Variants in MACROD2 observed in about 807,000 individuals in gnomAD.
The protein encoded by MACROD2 is ADP-ribose glycohydrolase MACROD2.
MACROD2 carries 36 observed loss-of-function variants against 70.4 expected under a neutral mutation model. The observed-to-expected ratio is 0.51, with a 90% CI of 0.39 to 0.68. The LOEUF (loss-of-function observed/expected upper bound fraction) is 0.68. Ranked by LOEUF, MACROD2 falls within the 30% of genes least tolerant of loss-of-function variation. MACROD2 has a pLI of 0.00. For synonymous variants in MACROD2, 172 were observed against 178.8 expected (o/e 0.96, Z 0.30); for missense variants, 496 against 538.4 (o/e 0.92, Z 0.78).
chr20:14,317,774 C>A (rs1413129293), intron 3 of MACROD2, among the ~76,000 whole-genome samples: 1 of 152,078 alleles, frequency 6.6e-6, no homozygotes, highest in Admixed American at 6.5e-5. Context: ...ATCTCTATGA[C>A]CTTTCGAAGT....
intron 6 of MACROD2, among the ~76,000 whole-genome samples, chr20:15,266,918 G>A (rs1022072495): frequency 2.6e-5 from 4 of 152,220 alleles, no homozygotes; most frequent in African/African-American, 9.6e-5. Context: ...GTATTCTAGA[G>A]GGCAGGGGCG....
chr20:15,520,800 A>G (rs1479515494), intron 8 of MACROD2, among the ~76,000 whole-genome samples: 3 of 152,220 alleles, frequency 2.0e-5, no homozygotes, highest in Non-Finnish European at 4.4e-5. Flanking sequence ...AAGTTCCTTC[A>G]CTTGTTTCTC....
intron 8 of MACROD2, among the ~76,000 whole-genome samples, chr20:15,528,961 A>T (rs999882026): frequency 6.6e-5 from 10 of 152,172 alleles, no homozygotes; most frequent in African/African-American, 2.4e-4. Context: ...AATGTATTAG[A>T]TAGAATTACT....
At chr20:14,077,505 T>G (rs2053929437) in intron 2 of MACROD2, among the ~76,000 whole-genome samples, 1 of 152,196 alleles carries the variant, frequency 6.6e-6, no homozygotes, top group Admixed American at 6.5e-5. Context: ...TACATGTAAG[T>G]TAAACTACTA....
intron 5 of MACROD2, among the ~76,000 whole-genome samples, chr20:15,218,978 G>A (rs1381254624): frequency 6.6e-6 from 1 of 151,988 alleles, no homozygotes; most frequent in Non-Finnish European, 1.5e-5. Flanking sequence ...CCCGGGAGGC[G>A]GAGCTTGCAG....
At chr20:15,775,531 A>C (rs35052348) in intron 8 of MACROD2, among the ~76,000 whole-genome samples, 1 of 151,972 alleles carries the variant, frequency 6.6e-6, no homozygotes, top group Non-Finnish European at 1.5e-5. Flanking sequence ...ATTATGGCCA[A>C]TAAAGCAGTT....
chr20:15,099,200 G>A (rs963377464), intron 5 of MACROD2, among the ~76,000 whole-genome samples: 9 of 152,240 alleles, frequency 5.9e-5, no homozygotes, highest in African/African-American at 2.2e-4. Context: ...GGTATATACT[G>A]CTATGGAATG....
At chr20:14,436,588 G>C (rs1057330553) in intron 3 of MACROD2, among the ~76,000 whole-genome samples, 1 of 152,180 alleles carries the variant, frequency 6.6e-6, no homozygotes, top group African/African-American at 2.4e-5. Flanking sequence ...TAATAGGAGA[G>C]GCCGTATCAT....
At chr20:13,996,081 C>A (rs1056692966) in intron 1 of MACROD2, among the ~76,000 whole-genome samples, 2 of 152,200 alleles carry the variant, frequency 1.3e-5, no homozygotes, top group Non-Finnish European at 2.9e-5. Flanking sequence ...TCTCCCGAGG[C>A]GGTGCTGCGT....
chr20:14,820,428 C>T lies in MACROD2; in HGVS notation c.418+135469C>T, dbSNP rs1033917238. 5.9e-5 allele frequency among the ~76,000 whole-genome samples: 8 copies of T among 136,088 alleles called. 1 individual carries two copies. The highest frequency in any genetic ancestry group is 2.4e-4 in the Admixed American group (3 of 12,336). 89.3% of individuals were successfully genotyped at this position (136,088 alleles called of 152,430 possible). On this transcript the variant is annotated intron_variant, in intron 5 of 17. Coordinates refer to ENST00000684519, the MANE Select transcript of MACROD2 (RefSeq NM_001351661.2). Reference sequence around the variant, plus strand: ...AAAAAGGAATTTTCTTATAAAAATACAGCTACTGTGATATCTTCTGCTGAA... The same window carrying T: ...AAAAAGGAATTTTCTTATAAAAATATAGCTACTGTGATATCTTCTGCTGAA...
intron 3 of MACROD2, among the ~76,000 whole-genome samples, chr20:14,184,403 A>G (rs2148733442): frequency 6.6e-6 from 1 of 152,142 alleles, no homozygotes; most frequent in South Asian, 2.1e-4. Context: ...TTTTTGTGCC[A>G]GTACCATGCT....
Position 15,004,709 on chromosome 20 carries a change from C to G in MACROD2, c.419-225231C>G, listed in dbSNP as rs76168754. 5.4e-3 allele frequency among the ~76,000 whole-genome samples: 821 copies of G among 152,078 alleles called. 8 individuals carry two copies. Among genetic ancestry groups the G allele is most frequent in the African/African-American group, 0.019 (799 of 41,490 alleles). On this transcript the variant is annotated intron_variant, in intron 5 of 17. Transcript: ENST00000684519. ...GAATAAGCTGTTTTTAATTCTAGAA[C>G]TCTTTGGTTGTGATAAAAATGGAAA...
intron 13 of MACROD2, among the ~76,000 whole-genome samples, chr20:15,974,113 C>A (rs1158108712): frequency 2.6e-5 from 4 of 152,106 alleles, no homozygotes; most frequent in African/African-American, 9.7e-5. Context: ...AGTTCAGAAA[C>A]AGACCCAAGT....
chr20:15,416,576 G>C (rs896154756), intron 6 of MACROD2, among the ~76,000 whole-genome samples: 1 of 152,134 alleles, frequency 6.6e-6, no homozygotes, highest in Non-Finnish European at 1.5e-5. Flanking sequence ...AATATGATAT[G>C]GAGTCAGGTG....
chr20:14,357,564 GA>G (rs1244101917), intron 3 of MACROD2, among the ~76,000 whole-genome samples: 2 of 151,752 alleles, frequency 1.3e-5, no homozygotes, highest in African/African-American at 2.4e-5. Context: ...AGAAAAGAAA[GA>G]AAAAAAAGAT....
At chr20:14,466,192 T>A (rs1345224761) in intron 3 of MACROD2, among the ~76,000 whole-genome samples, 1 of 152,128 alleles carries the variant, frequency 6.6e-6, no homozygotes, top group East Asian at 1.9e-4. Flanking sequence ...AGATTTGGTC[T>A]TTTCACATAG....
At chr20:15,936,229 A>G (rs1487829126) in intron 11 of MACROD2, among the ~76,000 whole-genome samples, 1 of 149,376 alleles carries the variant, frequency 6.7e-6, no homozygotes, top group Admixed American at 6.7e-5. Flanking sequence ...TATAAACTAT[A>G]GAGTCCATGT....
At chr20:14,578,282 A>G (rs995883377) in intron 4 of MACROD2, among the ~76,000 whole-genome samples, 10 of 152,022 alleles carry the variant, frequency 6.6e-5, no homozygotes, top group East Asian at 1.9e-4. Flanking sequence ...AAATGCCTTT[A>G]TTTTTATCTA....
intron 12 of MACROD2, among the ~76,000 whole-genome samples, chr20:15,963,192 T>C (rs2066088187): frequency 1.3e-5 from 2 of 152,212 alleles, no homozygotes; most frequent in South Asian, 4.1e-4. Flanking sequence ...GTGCAATTTT[T>C]GCATCAAGCT....
Sources: allele counts gnomAD v4.1 joint callset (sites outside exome capture counted in the v4.1 genomes callset), GRCh38; gene constraint gnomAD v4.1.1; transcripts MANE v1.5; gene names NCBI Gene and HGNC (gene_info 2026-07-23, HGNC 2026-07-21).